The following ATM variants were observed in gnomAD, a reference collection of about 807,000 sequenced individuals.
The protein encoded by ATM is ATM serine/threonine kinase, also known as serine-protein kinase ATM.
Under a neutral mutation model 387.0 loss-of-function variants are expected in ATM, and 308 were observed. That is an observed-to-expected ratio of 0.80 (90% CI 0.73 to 0.87). The LOEUF (loss-of-function observed/expected upper bound fraction) is 0.87. Ranked by LOEUF, ATM falls within the 40% of genes least tolerant of loss-of-function variation. ATM has a pLI of 0.00. For synonymous variants in ATM, 1,156 were observed against 1,187.3 expected (o/e 0.97, Z 0.54); for missense variants, 3,312 against 3,560.9 (o/e 0.93, Z 1.78).
intron 17 of ATM, among the ~76,000 whole-genome samples, chr11:108,267,859 A>C (rs78145349): frequency 6.6e-6 from 1 of 152,266 alleles, no homozygotes; most frequent in African/African-American, 2.4e-5. Flanking sequence ...CTCCGTCTCA[A>C]AAAAAGAAAT....
At chr11:108,242,584 G>A (rs1204556580) in intron 5 of ATM, among the ~76,000 whole-genome samples, 4 of 152,150 alleles carry the variant, frequency 2.6e-5, no homozygotes, top group Non-Finnish European at 4.4e-5. Context: ...TGGGGACTGG[G>A]CACAGTGGCT....
chr11:108,337,795 A>G (rs1213964988), intron 56 of ATM, among the ~76,000 whole-genome samples: 1 of 152,264 alleles, frequency 6.6e-6, no homozygotes, highest in Non-Finnish European at 1.5e-5. Flanking sequence ...CCAAACTTTT[A>G]GATGACAAAG....
intron 18 of ATM, among the ~76,000 whole-genome samples, chr11:108,269,745 A>C (rs1390480392): frequency 6.6e-6 from 1 of 152,192 alleles, no homozygotes; most frequent in Non-Finnish European, 1.5e-5. Flanking sequence ...AGAACCTCTG[A>C]TCACAGTAAA....
At position 108,343,350 on chromosome 11, in the gene ATM, T is replaced by A. The variant is rs2136952157; in HGVS notation, c.8397T>A (p.Phe2799Leu). The A allele has an allele frequency of 1.2e-6, 2 of 1,613,964 alleles. No individual in the cohort carries two copies. The highest frequency in any genetic ancestry group is 1.7e-6 in the Non-Finnish European group (2 of 1,179,888). ...ACAGGCCAAATGATTTCAGTGCCTT[T>A]CAGTGCCAAAAGAAAATGATGGTGA... is the stretch of plus-strand genomic sequence containing the variant. ...KRYRPNDFSAFQCQKKMMEVQ... is the reference protein window; with the variant it reads ...KRYRPNDFSALQCQKKMMEVQ... The change falls in exon 57 of 63, where the codon TTT becomes TTA. Residue 2799 changes from phenylalanine (F) to leucine (L), a missense_variant. Transcript: ENST00000675843.
At chr11:108,267,853 G>A (rs948622862) in intron 17 of ATM, among the ~76,000 whole-genome samples, 9 of 152,138 alleles carry the variant, frequency 5.9e-5, no homozygotes, top group African/African-American at 1.7e-4. Context: ...GCGAGACTCC[G>A]TCTCAAAAAA....
chr11:108,226,375 T>C (rs2078736551), intron 1 of ATM: 1 of 152,142 alleles, frequency 6.6e-6, no homozygotes, highest in Non-Finnish European at 1.5e-5. Context: ...TCTTACTACA[T>C]TTTTTTGAAG....
At chr11:108,314,398 A>AC (rs1393496533) in intron 40 of ATM, among the ~76,000 whole-genome samples, 3 of 151,472 alleles carry the variant, frequency 2.0e-5, no homozygotes, top group Admixed American at 6.6e-5. Context: ...GAGCCACTGC[A>AC]CCCAGCCCAT....
chr11:108,337,719 T>C (rs761140956), intron 56 of ATM, among the ~76,000 whole-genome samples: 1 of 152,224 alleles, frequency 6.6e-6, no homozygotes, highest in Non-Finnish European at 1.5e-5. Context: ...TAGAGATTGC[T>C]AAGAAGTTTT....
At position 108,333,927 on chromosome 11, in the gene ATM, A is replaced by T. The variant is rs755706903; in HGVS notation, c.7969A>T (p.Lys2657Ter). ...AGCAGACCAGCCAATTACTAAACTT[A>T]AGAATTTAGAAGATGTTGTTGTCCC... The part of the protein sequence containing the change: ...IPADQPITKL[K>*]NLEDVVVPTM... The change falls in exon 54 of 63, where the codon AAG (lysine) becomes TAG (stop). Residue 2657 changes from lysine to a stop codon, truncating the protein, a stop_gained. Transcript: ENST00000675843. LOFTEE classifies it high-confidence loss of function. 1 of 1,611,736 alleles carries T rather than the reference A, an allele frequency of 6.2e-7. No individual in the cohort carries two copies. The highest frequency in any genetic ancestry group is 8.5e-7 in the Non-Finnish European group (1 of 1,177,838).
At chr11:108,331,063 A>G (rs1297539174) in intron 50 of ATM, 2 of 602,902 alleles carry the variant, frequency 3.3e-6, no homozygotes, top group Non-Finnish European at 2.1e-6. Context: ...TATACACTAA[A>G]TATTACTTTT....
Position 108,307,927 on chromosome 11 carries a change from A to G in ATM, c.5705A>G (p.Asp1902Gly), listed in dbSNP as rs1565486057. Residue 1902 changes from aspartate to glycine, a missense_variant, in exon 38 of 63, where the codon GAT becomes GGT. Physicochemically the swap from Asp to Gly is moderately conservative, Grantham distance 94 (BLOSUM62 -1). This residue lies in a region of ATM where 1,405 missense variants were observed against 1,604.4 expected (regional missense o/e 0.88). Coordinates refer to ENST00000675843, the MANE Select transcript of ATM (RefSeq NM_000051.4). ...GAGCACTTTTTCCGATGCTGTTTGG[A>G]TAAAAAATCACAAAGAACAATGCTT... ...ESEHFFRCCLDKKSQRTMLAV... is the reference protein window; with the variant it reads ...ESEHFFRCCLGKKSQRTMLAV... The G allele has an allele frequency of 6.2e-7, 1 of 1,613,922 alleles. No homozygotes were observed. The highest frequency in any genetic ancestry group is 8.5e-7 in the Non-Finnish European group (1 of 1,179,900).
At chr11:108,270,990 G>A (rs2081542170) in intron 18 of ATM, 74 bp from the exon 19 acceptor site, 18 of 1,290,520 alleles carry the variant, frequency 1.4e-5, no homozygotes, top group Admixed American at 9.0e-5. Context: ...CACTGCACCC[G>A]GCCTATGTTT....
chr11:108,270,493 T>C (rs1449307276), intron 18 of ATM, among the ~76,000 whole-genome samples: 1 of 152,160 alleles, frequency 6.6e-6, no homozygotes, highest in African/African-American at 2.4e-5. Context: ...GTAAGTGATA[T>C]ATCTTCACTC....
At chr11:108,305,824 C>G (rs1236847838) in intron 37 of ATM, among the ~76,000 whole-genome samples, 1 of 151,976 alleles carries the variant, frequency 6.6e-6, no homozygotes, top group Non-Finnish European at 1.5e-5. Context: ...GTTTTTTAAA[C>G]CTAAATTTTA....
rs765912563 is a variant in ATM at position 108,248,982 on chromosome 11, C to G, written c.1115C>G (p.Thr372Ser). The G allele has an allele frequency of 6.2e-7, 1 of 1,612,346 alleles. No homozygotes were observed. The highest frequency in any genetic ancestry group is 1.7e-5 in the Admixed American group (1 of 59,970). Residue 372 changes from threonine to serine, a missense_variant, in exon 9 of 63, where the codon ACT becomes AGT. By Grantham distance (58) the Thr-to-Ser change is moderately conservative. This residue lies in a region of ATM where 1,791 missense variants were observed against 1,804.5 expected (regional missense o/e 0.99). Transcript: ENST00000675843. ...RSLEISQSYT[T>S]TQRESSDYSV... ...TTGGAGATTTCTCAATCTTACACTA[C>G]TACACAAAGAGAATCTAGTGATTAC...
Position 108,272,481 on chromosome 11 carries a change from G to A in ATM, c.3078-51G>A, listed in dbSNP as rs373711028. 8.4e-6 allele frequency: 12 copies of A among 1,435,118 alleles called. No individual in the cohort carries two copies. In the African/African-American group the frequency reaches 8.4e-5, roughly 10 times the overall value. The allele number at this position is 1,435,118 out of a possible 1,614,324, so 88.9% of individuals were successfully genotyped here. ...AATAACCTTTCAGTGAGTTTTCTGA[G>A]TGCTTTTATCAGAATGATTATTTAA... On this transcript the variant is annotated intron_variant, in intron 20 of 62. Transcript: ENST00000675843.
In ATM at chr11:108,317,489, G is replaced by C. The variant is rs587780632; in HGVS notation, c.6315G>C (p.Arg2105Ser). ...AACTTCATTACCAAGCAGCATGGAG[G>C]AATATGCAGTGGGACCATTGCACTT... ...LEELHYQAAW[R>S]NMQWDHCTSV... Residue 2105 changes from arginine (R) to serine (S), a missense_variant, in exon 43 of 63, where the codon AGG (arginine) becomes AGC (serine). Around this residue, in one of 4 missense-constraint regions of ATM, gnomAD observed 1,405 missense variants for 1,604.4 expected, o/e 0.88. Transcript: ENST00000675843. The C allele has an allele frequency of 5.0e-5, 80 of 1,610,570 alleles. No homozygotes were observed. Among genetic ancestry groups the C allele is most frequent in the Admixed American group, 2.5e-4 (15 of 59,758 alleles).
At chr11:108,290,661 A>AAAAAAAAAAAAG (rs2082738832) in intron 29 of ATM, 1 of 133,050 alleles carries the variant, frequency 7.5e-6, no homozygotes. Flanking sequence ...AAAAAAAAAA[A>AAAAAAAAAAAAG]AAAAAAGAAA....
intron 61 of ATM, among the ~76,000 whole-genome samples, chr11:108,363,355 T>C (rs1474060618): frequency 6.6e-6 from 1 of 152,194 alleles, no homozygotes; most frequent in Non-Finnish European, 1.5e-5. Flanking sequence ...CTTTTCAGTG[T>C]ATTTGTCTCT....
Sources: gnomAD v4.1 joint callset for allele counts (sites outside exome capture counted in the v4.1 genomes callset) on GRCh38, gnomAD v4.1.1 for gene constraint, gnomAD v4.1.1 regional missense constraint, MANE v1.5 for transcripts, NCBI Gene and HGNC (gene_info 2026-07-23, HGNC 2026-07-21) for gene names.